The following FRMD6 variants were observed in gnomAD, a reference collection of about 807,000 sequenced individuals.
FRMD6 encodes the protein FERM domain-containing protein 6.
In FRMD6, 37 loss-of-function variants were observed where a neutral mutation model predicts 73.2. That is an observed-to-expected ratio of 0.51 (90% CI 0.39 to 0.66). FRMD6 has a LOEUF of 0.66. Ranked by LOEUF, FRMD6 falls within the 30% of genes least tolerant of loss-of-function variation. The pLI is 0.00. For missense variants in FRMD6, 714 were observed against 780.5 expected, an observed-to-expected ratio of 0.91 and a Z score of 1.02; for synonymous variants, 273 against 282.2, an observed-to-expected ratio of 0.97 and a Z score of 0.33.
chr14:51,506,895 T>A (rs1185832321), intron 1 of FRMD6, among the ~76,000 whole-genome samples: 1 of 152,182 alleles, frequency 6.6e-6, no homozygotes, highest in Non-Finnish European at 1.5e-5. Context: ...ATATTTGTGA[T>A]GCATCGTAGA....
At chr14:51,604,759 A>C (rs1350692759) in intron 2 of FRMD6, among the ~76,000 whole-genome samples, 2 of 152,074 alleles carry the variant, frequency 1.3e-5, no homozygotes, top group East Asian at 3.9e-4. Flanking sequence ...TGTCCAGGGA[A>C]TACTAACTAC....
chr14:51,428,587 G>C, the FRMD6 span, among the ~76,000 whole-genome samples: 1 of 152,166 alleles, frequency 6.6e-6, no homozygotes, highest in Non-Finnish European at 1.5e-5. Flanking sequence ...TGAGCCTGTT[G>C]CTGTAATGAG....
the FRMD6 span, among the ~76,000 whole-genome samples, chr14:51,478,629 G>A: frequency 6.6e-6 from 1 of 152,184 alleles, no homozygotes; most frequent in African/African-American, 2.4e-5. Flanking sequence ...ATGGGTGTGG[G>A]AAAGAGAAAC....
chr14:51,404,958 G>A, the FRMD6 span, among the ~76,000 whole-genome samples: 3 of 152,002 alleles, frequency 2.0e-5, no homozygotes, highest in South Asian at 6.2e-4. Context: ...CCCAGTGTCT[G>A]TTGTTCTCTT....
chr14:51,727,047 G>C (rs1290126501), intron 13 of FRMD6, among the ~76,000 whole-genome samples: 4 of 151,684 alleles, frequency 2.6e-5, no homozygotes, highest in Non-Finnish European at 5.9e-5. Flanking sequence ...TCTGCCCCCT[G>C]CTGTGTACAG....
chr14:51,396,786 A>G, the FRMD6 span, among the ~76,000 whole-genome samples: 1 of 152,208 alleles, frequency 6.6e-6, no homozygotes, highest in African/African-American at 2.4e-5. Context: ...ACAGTGTGAC[A>G]AGCTGGACAT....
intron 1 of FRMD6, among the ~76,000 whole-genome samples, chr14:51,517,836 A>G (rs2140282675): frequency 6.6e-6 from 1 of 151,544 alleles, no homozygotes; most frequent in Middle Eastern, 3.4e-3. Flanking sequence ...GTGCTAACTC[A>G]CAGATAGTAC....
the FRMD6 span, among the ~76,000 whole-genome samples, chr14:51,407,289 A>G: frequency 6.6e-6 from 1 of 151,894 alleles, no homozygotes; most frequent in Non-Finnish European, 1.5e-5. Flanking sequence ...CTTTTTTCAT[A>G]TTGTCCTTGC....
At chr14:51,552,959 A>G (rs1422455623) in intron 1 of FRMD6, among the ~76,000 whole-genome samples, 1 of 152,168 alleles carries the variant, frequency 6.6e-6, no homozygotes, top group African/African-American at 2.4e-5. Context: ...AGAAGTCCCA[A>G]GCTGGCAGTC....
chr14:51,643,646 G>A (rs1891913992), intron 2 of FRMD6: 2 of 152,234 alleles, frequency 1.3e-5, no homozygotes, highest in Admixed American at 6.5e-5. Flanking sequence ...GGGGTTTGGG[G>A]ACTGAAAGTC....
At chr14:51,436,494 A>G in the FRMD6 span, 340 of 633,004 alleles carry the variant, frequency 5.4e-4, 2 homozygotes, top group South Asian at 4.6e-3. Context: ...AATTCTCTCC[A>G]AAGAATTTCA....
the FRMD6 span, among the ~76,000 whole-genome samples, chr14:51,450,386 C>T: frequency 6.6e-6 from 1 of 152,146 alleles, no homozygotes; most frequent in Non-Finnish European, 1.5e-5. Context: ...GTGTGGGTTT[C>T]TTGTTTACCC....
chr14:51,701,681 AAAT>A (rs959495269), intron 4 of FRMD6, among the ~76,000 whole-genome samples: 15 of 150,636 alleles, frequency 1.0e-4, no homozygotes, highest in African/African-American at 3.2e-4. Flanking sequence ...AGCTTATAGA[AAAT>A]AATAAATAGA....
At chr14:51,555,552 C>T (rs939973521) in intron 1 of FRMD6, among the ~76,000 whole-genome samples, 14 of 152,244 alleles carry the variant, frequency 9.2e-5, no homozygotes, top group African/African-American at 2.6e-4. Flanking sequence ...CCTGTAATCC[C>T]GGCACTTTGG....
chr14:51,646,318 C>CAAAAA (rs34495089), intron 2 of FRMD6, among the ~76,000 whole-genome samples: 3 of 69,268 alleles, frequency 4.3e-5, no homozygotes, highest in Non-Finnish European at 5.2e-5. Flanking sequence ...ACTCCATATC[C>CAAAAA]AAAAAAAAAA....
At chr14:51,439,226 T>A in the FRMD6 span, among the ~76,000 whole-genome samples, 3 of 152,238 alleles carry the variant, frequency 2.0e-5, no homozygotes, top group African/African-American at 7.2e-5. Flanking sequence ...GGATAGTATG[T>A]AATTTCTGTA....
chr14:51,661,506 G>A (rs1594681483), intron 1 of FRMD6, among the ~76,000 whole-genome samples: 1 of 152,128 alleles, frequency 6.6e-6, no homozygotes, highest in Non-Finnish European at 1.5e-5. Flanking sequence ...GGCTAAACCT[G>A]GATGCTTCAT....
the FRMD6 span, among the ~76,000 whole-genome samples, chr14:51,435,106 T>C: frequency 6.6e-6 from 1 of 152,144 alleles, no homozygotes; most frequent in Non-Finnish European, 1.5e-5. Flanking sequence ...GTGGGAAAAC[T>C]GGCAAAATTA....
the FRMD6 span, among the ~76,000 whole-genome samples, chr14:51,407,506 T>G: frequency 1.3e-5 from 2 of 151,964 alleles, no homozygotes; most frequent in Non-Finnish European, 2.9e-5. Context: ...TTTCACCAGT[T>G]TTATTTGTGA....
Sources: gnomAD v4.1 joint callset for allele counts (sites outside exome capture counted in the v4.1 genomes callset) on GRCh38, gnomAD v4.1.1 for gene constraint, MANE v1.5 for transcripts, NCBI Gene and HGNC (gene_info 2026-07-23, HGNC 2026-07-21) for gene names.